The following PPP2R2B variants were observed in gnomAD, a reference collection of about 807,000 sequenced individuals.
PPP2R2B encodes serine/threonine-protein phosphatase 2A 55 kDa regulatory subunit B beta isoform.
In PPP2R2B, 5 loss-of-function variants were observed where a neutral mutation model predicts 46.0. That is an observed-to-expected ratio of 0.11 (90% CI 0.06 to 0.23). The LOEUF (loss-of-function observed/expected upper bound fraction) is 0.23, where lower values mean the gene tolerates loss of function less well. Among genes scored for constraint, PPP2R2B ranks in the 10% least tolerant of loss-of-function variants. PPP2R2B has a pLI of 1.00. For synonymous variants in PPP2R2B, 215 were observed against 206.7 expected, an observed-to-expected ratio of 1.04 and a Z score of -0.34; for missense variants, 367 against 575.0, an observed-to-expected ratio of 0.64 and a Z score of 3.70.
chr5:146,706,472 G>T, intron 2 of PPP2R2B: 1 of 1,149,444 alleles, frequency 8.7e-7, no homozygotes, highest in Non-Finnish European at 1.3e-6. Flanking sequence ...CGATCTCGAT[G>T]TCCAGGGTCA....
intron 1 of PPP2R2B, among the ~76,000 whole-genome samples, chr5:147,030,960 T>C (rs1007869358): frequency 1.5e-4 from 23 of 152,126 alleles, no homozygotes; most frequent in African/African-American, 5.6e-4. Context: ...TTTATGGCCG[T>C]GCGCGGTGGC....
intron 1 of PPP2R2B, among the ~76,000 whole-genome samples, chr5:146,916,192 G>C (rs549524417): frequency 6.6e-6 from 1 of 152,080 alleles, no homozygotes; most frequent in South Asian, 2.1e-4. Flanking sequence ...AAAATGCAAA[G>C]GGTTAGTACT....
At chr5:146,845,468 T>C (rs1350376187) in intron 2 of PPP2R2B, among the ~76,000 whole-genome samples, 1 of 149,810 alleles carries the variant, frequency 6.7e-6, no homozygotes, top group Non-Finnish European at 1.5e-5. Flanking sequence ...TTAGCCAGGA[T>C]GGTCTTGATC....
At chr5:146,852,237 A>C in intron 2 of PPP2R2B, among the ~76,000 whole-genome samples, 1 of 152,242 alleles carries the variant, frequency 6.6e-6, no homozygotes, top group African/African-American at 2.4e-5. Context: ...CCTAAATGCC[A>C]CAGCTCAAGA....
Position 146,736,611 on chromosome 5 carries a change from T to C in PPP2R2B, c.71-35469A>G, listed in dbSNP as rs147474873. Among the ~76,000 whole-genome samples the C allele has an allele frequency of 8.8e-3, 1,337 of 152,310 alleles. 74 individuals carry two copies. Among genetic ancestry groups the C allele is most frequent in the Admixed American group, 0.079 (1,206 of 15,296 alleles). ...CCATCGTAAGTCTTGAGGACATCTCTGCCATCTTCTTCCCAGCCCCCAGCA... is the reference window on the plus strand; with the variant it reads ...CCATCGTAAGTCTTGAGGACATCTCCGCCATCTTCTTCCCAGCCCCCAGCA... On this transcript the variant is annotated intron_variant, in intron 2 of 9. Coordinates refer to ENST00000394411, the MANE Select transcript of PPP2R2B (RefSeq NM_181675.4).
intron 2 of PPP2R2B, among the ~76,000 whole-genome samples, chr5:147,073,940 G>A (rs1238068949): frequency 6.6e-6 from 1 of 151,812 alleles, no homozygotes; most frequent in Non-Finnish European, 1.5e-5. Context: ...GGAGGCTGAG[G>A]CAGGAGAACT....
intron 1 of PPP2R2B, among the ~76,000 whole-genome samples, chr5:146,905,597 C>T (rs1762970551): frequency 6.6e-6 from 1 of 152,124 alleles, no homozygotes; most frequent in Non-Finnish European, 1.5e-5. Flanking sequence ...AAAACTGGAA[C>T]AGCCCAACTG....
chr5:146,899,980 C>A (rs1762771563), intron 1 of PPP2R2B, among the ~76,000 whole-genome samples: 1 of 152,144 alleles, frequency 6.6e-6, no homozygotes, highest in Admixed American at 6.5e-5. Flanking sequence ...TGGAAAATTT[C>A]TTCAACATTG....
intron 2 of PPP2R2B, among the ~76,000 whole-genome samples, chr5:146,720,173 G>A (rs1780715211): frequency 1.3e-5 from 2 of 152,166 alleles, no homozygotes; most frequent in Admixed American, 6.5e-5. Flanking sequence ...TGCATGCAAG[G>A]TAGCAACACC....
At chr5:146,941,672 A>G (rs1342029027) in intron 1 of PPP2R2B, among the ~76,000 whole-genome samples, 1 of 152,186 alleles carries the variant, frequency 6.6e-6, no homozygotes, top group Non-Finnish European at 1.5e-5. Context: ...TTGGATGCAG[A>G]ACAGTTAATA....
chr5:146,860,914 A>G (rs1459371621), intron 2 of PPP2R2B, among the ~76,000 whole-genome samples: 1 of 152,122 alleles, frequency 6.6e-6, no homozygotes, highest in African/African-American at 2.4e-5. Context: ...GGGGCTATAA[A>G]TCTAAGGGCC....
chr5:146,686,582 A>G (rs1778514501), intron 5 of PPP2R2B, among the ~76,000 whole-genome samples: 1 of 152,094 alleles, frequency 6.6e-6, no homozygotes, highest in Non-Finnish European at 1.5e-5. Context: ...TATTTGTTGT[A>G]AGGCATGTTT....
intron 6 of PPP2R2B, 33 bp downstream of exon 6, chr5:146,650,514 G>T (rs753798107): frequency 6.3e-7 from 1 of 1,592,706 alleles, no homozygotes; most frequent in Non-Finnish European, 8.6e-7. Flanking sequence ...CTTAATTCAG[G>T]CCAGTTGATT....
At chr5:146,869,740 T>A (rs1761505688) in intron 2 of PPP2R2B, among the ~76,000 whole-genome samples, 1 of 152,138 alleles carries the variant, frequency 6.6e-6, no homozygotes, top group African/African-American at 2.4e-5. Context: ...TCCTTTTAAG[T>A]AAGAAAGAAT....
chr5:146,647,416 T>C (rs751394299), intron 6 of PPP2R2B, among the ~76,000 whole-genome samples: 19 of 152,170 alleles, frequency 1.2e-4, no homozygotes, highest in Non-Finnish European at 2.5e-4. Context: ...ACCCCAGAGG[T>C]GGCTATACTT....
intron 1 of PPP2R2B, among the ~76,000 whole-genome samples, chr5:146,904,561 G>A (rs770679271): frequency 6.6e-6 from 1 of 152,192 alleles, no homozygotes; most frequent in Non-Finnish European, 1.5e-5. Flanking sequence ...GAGGTTGTAA[G>A]CTTCTTGGAG....
rs1483552658 is a variant in PPP2R2B at position 146,589,668 on chromosome 5, T to C, written c.*279A>G. ...AAACACTGGACCCACCAGAGAAAAC[T>C]GGGCAATAAAAGCATCAGAAGTTCA... On this transcript the variant is annotated 3_prime_UTR_variant, in exon 10 of 10. Coordinates refer to ENST00000394411, the MANE Select transcript of PPP2R2B (RefSeq NM_181675.4). The C allele has an allele frequency of 2.6e-6, 1 of 388,770 alleles. No individual in the cohort carries two copies. Among genetic ancestry groups the C allele is most frequent in the Non-Finnish European group, 4.6e-6 (1 of 215,956 alleles). The allele number at this position is 388,770 out of a possible 1,614,324, so 24.1% of individuals were successfully genotyped here.
chr5:146,841,218 T>C (rs1468471943), intron 2 of PPP2R2B, among the ~76,000 whole-genome samples: 1 of 152,206 alleles, frequency 6.6e-6, no homozygotes, highest in Non-Finnish European at 1.5e-5. Flanking sequence ...TCTGAATGCA[T>C]GTAGTTCTGC....
chr5:146,698,241 G>C, intron 3 of PPP2R2B, 97 bp from the exon 4 acceptor site: 1 of 999,346 alleles, frequency 1.0e-6, no homozygotes, highest in Non-Finnish European at 1.4e-6. Flanking sequence ...ATTGGGGGTG[G>C]GATGAGGGCA....
Sources: gnomAD v4.1 joint callset for allele counts (sites outside exome capture counted in the v4.1 genomes callset) on GRCh38, gnomAD v4.1.1 for gene constraint, MANE v1.5 for transcripts, NCBI Gene and HGNC (gene_info 2026-07-23, HGNC 2026-07-21) for gene names.